Variants in CCDC141 observed in about 807,000 individuals in gnomAD.
CCDC141 encodes the protein coiled-coil domain containing 141.
Under a neutral mutation model 181.0 loss-of-function variants are expected in CCDC141, and 168 were observed. The observed-to-expected ratio is 0.93, with a 90% CI of 0.82 to 1.05. The LOEUF is 1.05. Ranked by LOEUF, CCDC141 falls within the 50% of genes least tolerant of loss-of-function variation. The pLI is 0.00. For missense variants in CCDC141, 1,902 were observed against 1,788.5 expected (o/e 1.06, Z -1.14); for synonymous variants, 666 against 642.3 (o/e 1.04, Z -0.56).
At position 179,023,137 on chromosome 2, in the gene CCDC141, C is replaced by CT. The variant is rs565656444; in HGVS notation, c.225+24146dup. 2.2e-4 allele frequency among the ~76,000 whole-genome samples: 33 copies of CT among 152,258 alleles called. No homozygotes were observed. In the South Asian group the frequency reaches 6.2e-3, roughly 29 times the overall value. ...CTGTATATACATTTGTATATACACA[C>CT]TTGTGTATGTATTAGTTTCTTCAAT... On this transcript the variant is annotated intron_variant, in intron 2 of 23. Coordinates refer to ENST00000443758, the MANE Select transcript of CCDC141 (RefSeq NM_173648.4).
intron 2 of CCDC141, among the ~76,000 whole-genome samples, chr2:179,015,580 T>TATATATTATATATATCTC (rs1559050160): frequency 1.2e-5 from 1 of 82,424 alleles, no homozygotes; most frequent in Non-Finnish European, 2.9e-5. Context: ...ATATATCTCA[T>TATATATTATATATATCTC]ATATATCTCA....
intron 6 of CCDC141, among the ~76,000 whole-genome samples, chr2:178,942,634 G>A (rs1161111142): frequency 2.6e-5 from 4 of 152,124 alleles, no homozygotes; most frequent in African/African-American, 4.8e-5. Flanking sequence ...AACACCAAGA[G>A]TGAACCCTAA....
At chr2:178,975,304 G>C (rs954281215) in intron 3 of CCDC141, 139 bp from the exon 4 acceptor site, 1 of 521,970 alleles carries the variant, frequency 1.9e-6, no homozygotes, top group Non-Finnish European at 3.5e-6. Flanking sequence ...ATGTTTGTAT[G>C]TGTTTGTGTG....
downstream of CCDC141, among the ~76,000 whole-genome samples, chr2:178,824,822 A>G (rs1054299454): frequency 3.9e-5 from 6 of 152,132 alleles, no homozygotes; most frequent in African/African-American, 1.2e-4. Context: ...AACAAAACCT[A>G]TAATAGGTAC....
chr2:178,857,111 T>A (rs1685420633), intron 17 of CCDC141, among the ~76,000 whole-genome samples: 1 of 152,222 alleles, frequency 6.6e-6, no homozygotes, highest in South Asian at 2.1e-4. Flanking sequence ...ATTTATTTGA[T>A]ATCTTTTTTC....
At chr2:179,047,497 C>A in intron 1 of CCDC141, 91 bp from the exon 2 acceptor site, 1 of 1,137,462 alleles carries the variant, frequency 8.8e-7, no homozygotes, top group South Asian at 2.4e-5. Flanking sequence ...TTTAAATTTC[C>A]AGTTATACTG....
chr2:178,894,701 T>C (rs760828294), intron 8 of CCDC141, among the ~76,000 whole-genome samples: 7 of 151,680 alleles, frequency 4.6e-5, no homozygotes, highest in African/African-American at 9.7e-5. Context: ...TGAGGACCCA[T>C]GGAGAGTGCA....
chr2:178,996,932 T>C (rs187097309), intron 2 of CCDC141, among the ~76,000 whole-genome samples: 29 of 152,328 alleles, frequency 1.9e-4, no homozygotes, highest in Non-Finnish European at 2.9e-5. Context: ...AGAGGCCAGG[T>C]ATGGCCCAAT....
At chr2:178,985,533 T>A (rs1691682990) in intron 2 of CCDC141, among the ~76,000 whole-genome samples, 1 of 149,902 alleles carries the variant, frequency 6.7e-6, no homozygotes, top group African/African-American at 2.5e-5. Context: ...CAGGAGCTGG[T>A]TTTTTGAAAG....
the CCDC141 span, among the ~76,000 whole-genome samples, chr2:178,816,908 C>T: frequency 1.3e-5 from 2 of 152,110 alleles, no homozygotes; most frequent in African/African-American, 4.8e-5. Context: ...TTTTCATATT[C>T]TAGCTTTCTA....
intron 12 of CCDC141, chr2:178,874,564 G>C (rs545359808): frequency 6.6e-6 from 1 of 152,298 alleles, no homozygotes; most frequent in East Asian, 1.9e-4. Flanking sequence ...GAGTAGAATG[G>C]GGTAGCCAGT....
intron 2 of CCDC141, 32 bp downstream of exon 2, chr2:179,047,252 T>A: frequency 6.7e-7 from 1 of 1,496,990 alleles, no homozygotes; most frequent in Non-Finnish European, 8.9e-7. Flanking sequence ...GTCTCTTTAA[T>A]TTTGTTTCTG....
rs916689157 is a variant in CCDC141 at position 178,968,297 on chromosome 2, C to T, written c.526+6760G>A. On this transcript the variant is annotated intron_variant, in intron 4 of 23. Transcript: ENST00000443758. ...AACAGAATATACATTTTTCTCAGCACCTCATCACAATTATTCTAAAATTGA... is the reference window on the plus strand; with the variant it reads ...AACAGAATATACATTTTTCTCAGCATCTCATCACAATTATTCTAAAATTGA... Among the ~76,000 whole-genome samples, 3 of 152,178 alleles carry T rather than the reference C, an allele frequency of 2.0e-5. No homozygotes were observed. In the South Asian group the frequency reaches 6.2e-4, roughly 32 times the overall value.
chr2:178,884,249 A>AAC lies in CCDC141; in HGVS notation c.1719+651_1719+652insGT, dbSNP rs113787285. On this transcript the variant is annotated intron_variant, in intron 11 of 23. Transcript: ENST00000443758. ...CTTGAATAATGTGAAGAAAAAAAAA[A>AAC]AAAAAACCAGAATCTCGGGACCCCA... Among the ~76,000 whole-genome samples the AAC allele has an allele frequency of 2.0e-3, 299 of 151,588 alleles. 1 individual carries two copies. Among genetic ancestry groups the AAC allele is most frequent in the African/African-American group, 6.8e-3 (282 of 41,330 alleles).
chr2:178,837,610 C>T lies in CCDC141; in HGVS notation c.3609G>A (p.Gly1203=), dbSNP rs113840365. Reference sequence around the variant, plus strand: ...CAGGTGAGACACACTCATATTCTTCCCCTGAGAGCATGTCTTCAGGCAGGA... The same window carrying T: ...CAGGTGAGACACACTCATATTCTTCTCCTGAGAGCATGTCTTCAGGCAGGA... The part of the protein sequence containing the change: ...DLLLPEDMLS[G]EEYECVSPDD... Residue 1203 remains glycine (G), a synonymous_variant, in exon 23 of 24, where the codon GGG becomes GGA. Coordinates refer to ENST00000443758, the MANE Select transcript of CCDC141 (RefSeq NM_173648.4). 3.1e-6 allele frequency: 5 copies of T among 1,614,002 alleles called. No individual in the cohort carries two copies. In the African/African-American group the frequency reaches 4.0e-5, roughly 13 times the overall value.
intron 2 of CCDC141, among the ~76,000 whole-genome samples, chr2:178,998,785 T>A (rs1559038226): frequency 6.6e-6 from 1 of 152,164 alleles, no homozygotes; most frequent in East Asian, 1.9e-4. Context: ...GTCTTTGATG[T>A]CTTCTTCTCA....
intron 6 of CCDC141, among the ~76,000 whole-genome samples, chr2:178,938,721 A>C (rs1689389766): frequency 6.6e-6 from 1 of 152,060 alleles, no homozygotes; most frequent in African/African-American, 2.4e-5. Context: ...TTATTGTCAC[A>C]AATATTTTCT....
At chr2:178,855,632 T>A in intron 18 of CCDC141, 91 bp from the exon 19 acceptor site, 2 of 774,216 alleles carry the variant, frequency 2.6e-6, no homozygotes, top group Non-Finnish European at 3.9e-6. Context: ...TGGTAAAAAT[T>A]TTGCAGCTTC....
intron 2 of CCDC141, among the ~76,000 whole-genome samples, chr2:179,024,769 T>C (rs1310241865): frequency 6.6e-6 from 1 of 152,236 alleles, no homozygotes; most frequent in Non-Finnish European, 1.5e-5. Context: ...CCTGAATATT[T>C]TTGCCTCTAA....
Sources: allele counts gnomAD v4.1 joint callset (sites outside exome capture counted in the v4.1 genomes callset), GRCh38; gene constraint gnomAD v4.1.1; transcripts MANE v1.5; gene names NCBI Gene and HGNC (gene_info 2026-07-23, HGNC 2026-07-21).